CADM2: variants seen among roughly 807,000 people sequenced by gnomAD.
CADM2 encodes cell adhesion molecule 2, also known as immunoglobulin superfamily member 4D.
In CADM2, 12 loss-of-function variants were observed where a neutral mutation model predicts 49.8. The observed-to-expected ratio is 0.24, with a 90% CI of 0.15 to 0.39. The LOEUF (loss-of-function observed/expected upper bound fraction) is 0.39. Among genes scored for constraint, CADM2 ranks in the 10% least tolerant of loss-of-function variants. The probability of loss-of-function intolerance (pLI) is 1.00; values close to 1 mark genes in which losing one functional copy is unlikely to be tolerated. For synonymous variants in CADM2, 214 were observed against 175.4 expected (o/e 1.22, Z -1.74); for missense variants, 378 against 492.3 (o/e 0.77, Z 2.20).
intron 3 of CADM2, among the ~76,000 whole-genome samples, chr3:85,849,627 A>G (rs545425489): frequency 4.1e-4 from 62 of 152,306 alleles, no homozygotes; most frequent in African/African-American, 1.5e-3. Context: ...CTAGCTTATC[A>G]TGAACACCAC....
At chr3:85,010,483 T>C (rs1428351915) in intron 1 of CADM2, among the ~76,000 whole-genome samples, 3 of 152,204 alleles carry the variant, frequency 2.0e-5, no homozygotes, top group African/African-American at 7.2e-5. Flanking sequence ...CTTCTACCTA[T>C]AATATTCCAT....
At chr3:86,040,184 C>T (rs1735690072) in intron 8 of CADM2, among the ~76,000 whole-genome samples, 1 of 152,150 alleles carries the variant, frequency 6.6e-6, no homozygotes, top group Admixed American at 6.5e-5. Flanking sequence ...ACCTCTCCTC[C>T]TCCAAAGGAA....
chr3:85,484,732 C>G (rs1374693497), intron 1 of CADM2, among the ~76,000 whole-genome samples: 1 of 151,966 alleles, frequency 6.6e-6, no homozygotes, highest in African/African-American at 2.4e-5. Flanking sequence ...AAAACTGAAA[C>G]TATTGTAAAT....
chr3:85,767,156 CTTAT>C (rs2069698090), intron 2 of CADM2, among the ~76,000 whole-genome samples: 1 of 152,036 alleles, frequency 6.6e-6, no homozygotes, highest in Non-Finnish European at 1.5e-5. Context: ...TCCTAATTGT[CTTAT>C]TTAGTTTTAT....
chr3:85,154,434 CTA>C (rs1451465324), intron 1 of CADM2, among the ~76,000 whole-genome samples: 4 of 151,996 alleles, frequency 2.6e-5, no homozygotes, highest in Non-Finnish European at 2.9e-5. Context: ...AAATATGGGA[CTA>C]TGTGAAAAGA....
chr3:85,324,013 C>A (rs2044684655), intron 1 of CADM2, among the ~76,000 whole-genome samples: 1 of 152,152 alleles, frequency 6.6e-6, no homozygotes, highest in South Asian at 2.1e-4. Flanking sequence ...AGCTATAATA[C>A]TGGCTGTACT....
chr3:85,796,334 T>C (rs1329079442), intron 2 of CADM2, among the ~76,000 whole-genome samples: 5 of 152,174 alleles, frequency 3.3e-5, no homozygotes, highest in African/African-American at 7.2e-5. Context: ...TCATGTTTTC[T>C]CTGATGTGGT....
At chr3:85,495,884 G>A (rs1351835636) in intron 1 of CADM2, among the ~76,000 whole-genome samples, 15 of 151,962 alleles carry the variant, frequency 9.9e-5, no homozygotes, top group Admixed American at 9.2e-4. Context: ...CCCACTAGGC[G>A]CCAATCACGT....
intron 1 of CADM2, among the ~76,000 whole-genome samples, chr3:85,300,129 C>T (rs2044059012): frequency 6.6e-6 from 1 of 151,946 alleles, no homozygotes; most frequent in African/African-American, 2.4e-5. Context: ...CTTATGGCTC[C>T]CAAGCATTTT....
intron 1 of CADM2, among the ~76,000 whole-genome samples, chr3:85,101,760 GTTTAC>G (rs1365276906): frequency 6.6e-6 from 1 of 152,300 alleles, no homozygotes; most frequent in African/African-American, 2.4e-5. Context: ...CATATTTAAT[GTTTAC>G]TTTAATTGGA....
At chr3:85,480,653 C>T (rs1284079829) in intron 1 of CADM2, among the ~76,000 whole-genome samples, 2 of 151,814 alleles carry the variant, frequency 1.3e-5, no homozygotes, top group Non-Finnish European at 2.9e-5. Flanking sequence ...TAACCGCTAT[C>T]CATAGCATAT....
At chr3:85,616,702 C>T (rs1157313480) in intron 1 of CADM2, among the ~76,000 whole-genome samples, 1 of 152,078 alleles carries the variant, frequency 6.6e-6, no homozygotes, top group East Asian at 1.9e-4. Flanking sequence ...TAAATTATAG[C>T]AAGTTGTGTG....
At chr3:85,693,288 G>GA (rs2107685808) in intron 1 of CADM2, among the ~76,000 whole-genome samples, 1 of 151,534 alleles carries the variant, frequency 6.6e-6, no homozygotes, top group Non-Finnish European at 1.5e-5. Flanking sequence ...AATGAAGAAA[G>GA]AAAGAAAAGA....
intron 2 of CADM2, among the ~76,000 whole-genome samples, chr3:85,760,274 GCGTAACTTGCACAGCAAGTTACTC>G (rs1318238628): frequency 6.6e-6 from 1 of 151,858 alleles, no homozygotes; most frequent in Non-Finnish European, 1.5e-5. Flanking sequence ...AGATTTGCAG[GCGTAACTTGCACAGCAAGTTACTC>G]TGAAATTTTT....
chr3:85,290,418 C>G (rs1416046264), intron 1 of CADM2, among the ~76,000 whole-genome samples: 1 of 152,192 alleles, frequency 6.6e-6, no homozygotes, highest in Non-Finnish European at 1.5e-5. Flanking sequence ...CTGGAAGCTC[C>G]AACTGGGTGG....
At chr3:85,134,800 T>A (rs975247679) in intron 1 of CADM2, among the ~76,000 whole-genome samples, 1 of 152,162 alleles carries the variant, frequency 6.6e-6, no homozygotes. Context: ...TTTTTAAAAA[T>A]TTTAATTATT....
intron 1 of CADM2, among the ~76,000 whole-genome samples, chr3:85,221,145 C>G (rs1054310544): frequency 1.3e-5 from 2 of 152,110 alleles, no homozygotes; most frequent in Non-Finnish European, 2.9e-5. Context: ...AAACGATACA[C>G]TTTTTTCCAA....
chr3:85,459,242 T>C (rs772245948), intron 1 of CADM2, among the ~76,000 whole-genome samples: 17 of 152,180 alleles, frequency 1.1e-4, no homozygotes, highest in Admixed American at 2.6e-4. Context: ...TCCAGGAATC[T>C]TGTCCTCTCA....
intron 1 of CADM2, among the ~76,000 whole-genome samples, chr3:85,441,606 AT>A (rs2037204909): frequency 6.6e-6 from 1 of 152,114 alleles, no homozygotes; most frequent in Non-Finnish European, 1.5e-5. Flanking sequence ...TATAATCTTG[AT>A]CCCAAATCCC....
Sources: allele counts gnomAD v4.1 joint callset (sites outside exome capture counted in the v4.1 genomes callset), GRCh38; gene constraint gnomAD v4.1.1; transcripts MANE v1.5; gene names NCBI Gene and HGNC (gene_info 2026-07-23, HGNC 2026-07-21).